Variants in TMEM200A observed in about 807,000 individuals in gnomAD.
The protein encoded by TMEM200A is two transmembrane C.
In TMEM200A, 12 loss-of-function variants were observed where a neutral mutation model predicts 24.3. That is an observed-to-expected ratio of 0.49 (90% CI 0.32 to 0.80). TMEM200A has a LOEUF of 0.80. Among genes scored for constraint, TMEM200A ranks in the 30% least tolerant of loss-of-function variants. The probability of loss-of-function intolerance (pLI) is 0.04; values close to 1 mark genes in which losing one functional copy is unlikely to be tolerated. For synonymous variants in TMEM200A, 224 were observed against 224.4 expected, an observed-to-expected ratio of 1.00 and a Z score of 0.02; for missense variants, 545 against 614.4, an observed-to-expected ratio of 0.89 and a Z score of 1.19.
At chr6:130,415,640 T>G (rs1365572234) in intron 2 of TMEM200A, among the ~76,000 whole-genome samples, 1 of 152,116 alleles carries the variant, frequency 6.6e-6, no homozygotes, top group South Asian at 2.1e-4. Context: ...ACCCCTCCCA[T>G]GCTCACGAGA....
chr6:130,371,259 GC>G (rs1383252868), intron 1 of TMEM200A, among the ~76,000 whole-genome samples: 3 of 152,098 alleles, frequency 2.0e-5, no homozygotes, highest in Non-Finnish European at 2.9e-5. Context: ...AGTCCTAGGG[GC>G]ATGTATAGAA....
At chr6:130,395,416 A>T (rs1249965795) in intron 2 of TMEM200A, among the ~76,000 whole-genome samples, 1 of 152,180 alleles carries the variant, frequency 6.6e-6, no homozygotes, top group Non-Finnish European at 1.5e-5. Flanking sequence ...AAACTTTCTG[A>T]AACATTAATA....
At position 130,441,914 on chromosome 6, in the gene TMEM200A, T is replaced by C; in HGVS notation, c.*16T>C. 6.4e-7 allele frequency: 1 copy of C among 1,574,494 alleles called. No individual in the cohort carries two copies. Among genetic ancestry groups the C allele is most frequent in the Non-Finnish European group, 8.6e-7 (1 of 1,163,198 alleles). On this transcript the variant is annotated 3_prime_UTR_variant, in exon 3 of 3. Transcript: ENST00000296978. ...AAGGTTTTAATGTTAAAAGAATATA[T>C]CATTTTACAAGGGTATATATTTTAA...
intron 2 of TMEM200A, among the ~76,000 whole-genome samples, chr6:130,428,395 T>G (rs1438288287): frequency 1.3e-5 from 2 of 152,174 alleles, no homozygotes; most frequent in African/African-American, 4.8e-5. Context: ...CTATACTTTA[T>G]CCTCCACCTT....
At chr6:130,396,468 A>G (rs1583192631) in intron 2 of TMEM200A, among the ~76,000 whole-genome samples, 1 of 151,706 alleles carries the variant, frequency 6.6e-6, no homozygotes, top group Middle Eastern at 3.4e-3. Flanking sequence ...TCTTCTTGTC[A>G]TTAGCTTGGT....
intron 2 of TMEM200A, among the ~76,000 whole-genome samples, chr6:130,404,355 T>C (rs1166017181): frequency 1.3e-5 from 2 of 152,182 alleles, no homozygotes; most frequent in Non-Finnish European, 2.9e-5. Flanking sequence ...TTTTGACTTT[T>C]TAATGATAGC....
chr6:130,432,294 A>G (rs1779896128), intron 2 of TMEM200A, among the ~76,000 whole-genome samples: 2 of 152,208 alleles, frequency 1.3e-5, no homozygotes, highest in African/African-American at 4.8e-5. Context: ...ACATCAGATG[A>G]ACGGGTTTAG....
chr6:130,396,356 A>G (rs464998), intron 2 of TMEM200A, among the ~76,000 whole-genome samples: 54 of 144,102 alleles, frequency 3.7e-4, no homozygotes, highest in African/African-American at 1.4e-3. Context: ...TTGGATTCTG[A>G]CCAGTCTGTT....
intron 1 of TMEM200A, among the ~76,000 whole-genome samples, chr6:130,367,614 T>C (rs1367191433): frequency 6.6e-6 from 1 of 152,216 alleles, no homozygotes; most frequent in East Asian, 1.9e-4. Context: ...ATTTTGAAAC[T>C]TTTTAAACCT....
At position 130,391,358 on chromosome 6, in the gene TMEM200A, C is replaced by T. The variant is rs143528939; in HGVS notation, c.-17+6122C>T. ...TTCTTTCCTGAAACCATTAATGCCA[C>T]CACCTTCTCAGATCTTTCTCTTGCC... On this transcript the variant is annotated intron_variant, in intron 2 of 2. Transcript: ENST00000296978. Among the ~76,000 whole-genome samples, 253 of 152,280 alleles carry T rather than the reference C, an allele frequency of 1.7e-3. 1 individual carries two copies. Among genetic ancestry groups the T allele is most frequent in the African/African-American group, 5.8e-3 (243 of 41,574 alleles).
Position 130,442,044 on chromosome 6 carries a change from T to C in TMEM200A, c.*146T>C, listed in dbSNP as rs192754519. On this transcript the variant is annotated 3_prime_UTR_variant, in exon 3 of 3. Coordinates refer to ENST00000296978, the MANE Select transcript of TMEM200A (RefSeq NM_001258277.2). Reference sequence around the variant, plus strand: ...TGGCTGCTTAGTTCTGTAATGAAGATGGTTGTATGTTTGGGTTACTTGTGA... The same window carrying C: ...TGGCTGCTTAGTTCTGTAATGAAGACGGTTGTATGTTTGGGTTACTTGTGA... 1.3e-6 allele frequency: 1 copy of C among 764,420 alleles called. No individual in the cohort carries two copies. The highest frequency in any genetic ancestry group is 1.8e-5 in the African/African-American group (1 of 56,798). 47.4% of individuals were successfully genotyped at this position (764,420 alleles called of 1,614,324 possible). A position where few individuals can be genotyped will look rare whatever the true frequency, so the allele number is the denominator to read the frequency against.
At chr6:130,392,406 T>A (rs1226410773) in intron 2 of TMEM200A, among the ~76,000 whole-genome samples, 1 of 152,248 alleles carries the variant, frequency 6.6e-6, no homozygotes, top group Non-Finnish European at 1.5e-5. Flanking sequence ...CTGCCTCCCA[T>A]TTCAGTGCAG....
In TMEM200A at chr6:130,382,001, A is replaced by T. The variant is rs373083005; in HGVS notation, c.-80-3172A>T. On this transcript the variant is annotated intron_variant, in intron 1 of 2. Transcript: ENST00000296978. The stretch of plus-strand genomic sequence containing the variant: ...GTGGCTCTCCTTCAAAGATAGTTTT[A>T]AAGATATATTGTGAACCTTTTATGA... The T allele has an allele frequency of 7.9e-5, 78 of 982,046 alleles. No individual in the cohort carries two copies. In the African/African-American group the frequency reaches 1.2e-3, roughly 15 times the overall value. 60.8% of individuals were successfully genotyped at this position (982,046 alleles called of 1,614,324 possible). A position where few individuals can be genotyped will look rare whatever the true frequency, so the allele number is the denominator to read the frequency against.
intron 2 of TMEM200A, among the ~76,000 whole-genome samples, chr6:130,429,941 T>G (rs1445101915): frequency 6.6e-6 from 1 of 152,164 alleles, no homozygotes; most frequent in Non-Finnish European, 1.5e-5. Flanking sequence ...TGGATATAGC[T>G]ATAAGAAATC....
intron 2 of TMEM200A, among the ~76,000 whole-genome samples, chr6:130,412,286 C>G (rs1562563725): frequency 6.6e-6 from 1 of 151,840 alleles, no homozygotes; most frequent in Non-Finnish European, 1.5e-5. Flanking sequence ...CCGCCACTCA[C>G]AGGCCCTCTC....
intron 2 of TMEM200A, among the ~76,000 whole-genome samples, chr6:130,389,764 T>G (rs1778792905): frequency 6.6e-6 from 1 of 152,182 alleles, no homozygotes; most frequent in South Asian, 2.1e-4. Flanking sequence ...ACTTCAGATT[T>G]TCTCAGAAAT....
intron 1 of TMEM200A, among the ~76,000 whole-genome samples, chr6:130,382,214 G>A (rs148900828): frequency 1.9e-3 from 287 of 152,254 alleles, no homozygotes; most frequent in Middle Eastern, 6.8e-3. Context: ...GAGGTTGGTG[G>A]GGGGCAGTAT....
chr6:130,370,644 A>G (rs1187864315), intron 1 of TMEM200A, among the ~76,000 whole-genome samples: 1 of 152,186 alleles, frequency 6.6e-6, no homozygotes, highest in Non-Finnish European at 1.5e-5. Flanking sequence ...CAAGCAAGGT[A>G]TAGCCCAGTG....
rs181612397 is a variant in TMEM200A, at chr6:130,412,155, A to G, written c.-17+26919A>G. On this transcript the variant is annotated intron_variant, in intron 2 of 2. Coordinates refer to ENST00000296978, the MANE Select transcript of TMEM200A (RefSeq NM_001258277.2). ...GCTCATCTTGTCCTTTTCCTGCTCT[A>G]GCTCTGAAATTAGCTACTTCTCCCA... Among the ~76,000 whole-genome samples the G allele has an allele frequency of 6.5e-3, 899 of 139,272 alleles. 5 individuals carry two copies. Among genetic ancestry groups the G allele is most frequent in the Non-Finnish European group, 9.5e-3 (622 of 65,588 alleles). 91.4% of individuals were successfully genotyped at this position (139,272 alleles called of 152,430 possible).
Sources: allele counts gnomAD v4.1 joint callset (sites outside exome capture counted in the v4.1 genomes callset), GRCh38; gene constraint gnomAD v4.1.1; transcripts MANE v1.5; gene names NCBI Gene and HGNC (gene_info 2026-07-23, HGNC 2026-07-21).